The following UTRN variants were observed in gnomAD, a reference collection of about 807,000 sequenced individuals.
The protein encoded by UTRN is utrophin.
Under a neutral mutation model 463.9 loss-of-function variants are expected in UTRN, and 283 were observed. The ratio of observed to expected loss-of-function variants is 0.61; its 90% CI spans 0.55 to 0.67. The LOEUF is 0.67. Ranked by LOEUF, UTRN falls within the 30% of genes least tolerant of loss-of-function variation. The pLI is 0.00. For missense variants in UTRN, 3,922 were observed against 4,084.3 expected (o/e 0.96, Z 1.08); for synonymous variants, 1,442 against 1,431.5 (o/e 1.01, Z -0.17).
At chr6:144,343,117 C>A (rs1562270404) in intron 2 of UTRN, among the ~76,000 whole-genome samples, 2 of 152,006 alleles carry the variant, frequency 1.3e-5, no homozygotes, top group Non-Finnish European at 2.9e-5. Context: ...TGAGAGACAC[C>A]TTTGAATTCA....
intron 51 of UTRN, among the ~76,000 whole-genome samples, chr6:144,673,343 A>C (rs1280907366): frequency 6.6e-6 from 1 of 152,008 alleles, no homozygotes; most frequent in East Asian, 1.9e-4. Flanking sequence ...TTATTTTATA[A>C]ATTTGGGAGC....
chr6:144,298,514 C>G (rs890053507), intron 2 of UTRN, among the ~76,000 whole-genome samples: 1 of 152,134 alleles, frequency 6.6e-6, no homozygotes, highest in Non-Finnish European at 1.5e-5. Context: ...TCTGTGTATG[C>G]GCATCTGGCA....
chr6:144,485,483 G>A lies in UTRN; in HGVS notation c.3786G>A (p.Leu1262=), dbSNP rs144914336. Reference sequence around the variant, plus strand: ...AGCGGATGAAGAGCACAGAGGTCCTGCCTGAGAAGACGGATGCTGTCAACG... The same window carrying A: ...AGCGGATGAAGAGCACAGAGGTCCTACCTGAGAAGACGGATGCTGTCAACG... ...LEERMKSTEV[L]PEKTDAVNEA... is the part of the protein sequence containing the mutation. The change falls in exon 28 of 75, where the codon CTG becomes CTA. Residue 1262 remains leucine, a synonymous_variant. Transcript: ENST00000367545. The A allele has an allele frequency of 6.8e-5, 109 of 1,614,052 alleles. No individual in the cohort carries two copies. The highest frequency in any genetic ancestry group is 8.8e-5 in the Non-Finnish European group (104 of 1,180,026).
chr6:144,602,661 C>G (rs1001902754), intron 51 of UTRN, among the ~76,000 whole-genome samples: 1 of 152,140 alleles, frequency 6.6e-6, no homozygotes, highest in African/African-American at 2.4e-5. Context: ...TGAAAATTCT[C>G]AGTATCGCCT....
chr6:144,614,512 A>G (rs765151390), intron 51 of UTRN, among the ~76,000 whole-genome samples: 1 of 152,154 alleles, frequency 6.6e-6, no homozygotes, highest in Non-Finnish European at 1.5e-5. Flanking sequence ...AAATAATTGT[A>G]AGGTTTTCTC....
At chr6:144,615,080 T>C (rs899608966) in intron 51 of UTRN, among the ~76,000 whole-genome samples, 1 of 152,192 alleles carries the variant, frequency 6.6e-6, no homozygotes, top group African/African-American at 2.4e-5. Context: ...TGAAACATTG[T>C]TATGAATCAA....
chr6:144,656,560 G>A (rs1779331463), intron 51 of UTRN, among the ~76,000 whole-genome samples: 1 of 151,992 alleles, frequency 6.6e-6, no homozygotes, highest in Non-Finnish European at 1.5e-5. Flanking sequence ...TATCGTCATG[G>A]GCCACTACAT....
chr6:144,745,457 A>G (rs538572031), intron 54 of UTRN, among the ~76,000 whole-genome samples: 21 of 152,174 alleles, frequency 1.4e-4, no homozygotes, highest in African/African-American at 4.8e-4. Flanking sequence ...TTCAGCTGAG[A>G]TTGTTGCTGC....
At chr6:144,605,073 A>G (rs1418011727) in intron 51 of UTRN, among the ~76,000 whole-genome samples, 1 of 152,104 alleles carries the variant, frequency 6.6e-6, no homozygotes, top group East Asian at 1.9e-4. Context: ...GTAAAACTCT[A>G]TTGCCTTGAA....
intron 51 of UTRN, among the ~76,000 whole-genome samples, chr6:144,618,720 T>C (rs1388206628): frequency 6.6e-6 from 1 of 152,154 alleles, no homozygotes; most frequent in Non-Finnish European, 1.5e-5. Flanking sequence ...TTCCCAGTTC[T>C]TTTACTCTGT....
chr6:144,708,379 G>A (rs76042355), intron 53 of UTRN: 55,552 of 650,010 alleles, frequency 0.085, 4,016 homozygotes, highest in Admixed American at 0.24. Context: ...CCATTTTTTA[G>A]ATAAAGTGTT....
intron 42 of UTRN, among the ~76,000 whole-genome samples, chr6:144,531,643 T>C (rs1342469430): frequency 6.6e-6 from 1 of 152,194 alleles, no homozygotes; most frequent in Non-Finnish European, 1.5e-5. Context: ...CAGCTGCTCA[T>C]GTAAGTCTAA....
rs548267756 is a variant in UTRN at position 144,733,506 on chromosome 6, T to G, written c.7939+3020T>G. On this transcript the variant is annotated intron_variant, in intron 54 of 74. Transcript: ENST00000367545. ...CCTGGTGACAGAGTGAAACTCCATC[T>G]CAAAAAAAAAAAAAAAAAAAACTTT... Among the ~76,000 whole-genome samples the G allele has an allele frequency of 5.3e-5, 4 of 76,088 alleles. No homozygotes were observed. The South Asian group carries it at 1.8e-3, about 34-fold the overall frequency. The allele number at this position is 76,088 out of a possible 152,430, so 49.9% of individuals were successfully genotyped here. A position where few individuals can be genotyped will look rare whatever the true frequency, so the allele number is the denominator to read the frequency against.
chr6:144,638,853 G>C (rs149730560), intron 51 of UTRN, among the ~76,000 whole-genome samples: 1 of 152,028 alleles, frequency 6.6e-6, no homozygotes, highest in East Asian at 1.9e-4. Context: ...TGGGAGGATC[G>C]CTTGAGGCCA....
chr6:144,781,065 C>G (rs1775783833), intron 60 of UTRN, among the ~76,000 whole-genome samples: 1 of 152,176 alleles, frequency 6.6e-6, no homozygotes, highest in African/African-American at 2.4e-5. Context: ...ATCAGTATGT[C>G]TTTGAGAGCA....
At position 144,458,984 on chromosome 6, in the gene UTRN, C is replaced by T. The variant is rs1162767981; in HGVS notation, c.2499C>T (p.Ser833=). ...HTSISESSRQ[S]LPSLKDSCQR... ...CCATTTCTGAATCTTCCCGGCAGTC[C>T]TTGCCAAGCTTGAAGGATTCCTGTC... Residue 833 remains serine (S), a synonymous_variant, in exon 20 of 75, where the codon TCC becomes TCT. Transcript: ENST00000367545. 1.2e-6 allele frequency: 2 copies of T among 1,605,952 alleles called. No homozygotes were observed. Among genetic ancestry groups the T allele is most frequent in the Non-Finnish European group, 1.7e-6 (2 of 1,177,136 alleles).
At position 144,436,129 on chromosome 6, in the gene UTRN, A is replaced by T. The variant is rs759919539; in HGVS notation, c.1050A>T (p.Ala350=). Residue 350 remains alanine (A), a synonymous_variant, in exon 10 of 75, where the codon GCA becomes GCT. Coordinates refer to ENST00000367545, the MANE Select transcript of UTRN (RefSeq NM_007124.3). ...DDVEEVKDQF[A]THEAFMMELT... ...TTGAAGAAGTCAAAGACCAGTTTGC[A>T]ACCCATGAAGTAAATATCTGTAGTT... The T allele has an allele frequency of 6.2e-7, 1 of 1,613,632 alleles. No homozygotes were observed. The highest frequency in any genetic ancestry group is 1.1e-5 in the South Asian group (1 of 91,078).
chr6:144,846,950 T>A, intron 74 of UTRN, 123 bp downstream of exon 74: 1 of 1,356,292 alleles, frequency 7.4e-7, no homozygotes, highest in Non-Finnish European at 1.0e-6. Flanking sequence ...ACTTGACATT[T>A]AAATGTTAGT....
intron 60 of UTRN, 96 bp from the exon 61 acceptor site, chr6:144,781,826 T>G: frequency 1.1e-6 from 1 of 877,702 alleles, no homozygotes; most frequent in Non-Finnish European, 1.7e-6. Context: ...AGAATCAAGC[T>G]AAATACTTGA....
Sources: gnomAD v4.1 joint callset for allele counts (sites outside exome capture counted in the v4.1 genomes callset) on GRCh38, gnomAD v4.1.1 for gene constraint, MANE v1.5 for transcripts, NCBI Gene and HGNC (gene_info 2026-07-23, HGNC 2026-07-21) for gene names.